Variants in ATP8A2 observed in about 807,000 individuals in gnomAD.
The protein encoded by ATP8A2 is ATPase phospholipid transporting 8A2.
ATP8A2 carries 100 observed loss-of-function variants against 165.6 expected under a neutral mutation model. That is an observed-to-expected ratio of 0.60 (90% confidence interval 0.51 to 0.71). ATP8A2 has a LOEUF of 0.71. ATP8A2 is among the 30% of genes least tolerant of loss of function. The pLI is 0.00. For missense variants in ATP8A2, 1,227 were observed against 1,479.5 expected (o/e 0.83, Z 2.80); for synonymous variants, 543 against 548.8 (o/e 0.99, Z 0.15).
At chr13:25,934,562 C>T (rs1327145178) in intron 33 of ATP8A2, among the ~76,000 whole-genome samples, 1 of 152,200 alleles carries the variant, frequency 6.6e-6, no homozygotes, top group Non-Finnish European at 1.5e-5. Flanking sequence ...TGAAGGATAA[C>T]GCTCTTGTGG....
chr13:25,538,821 A>C lies in ATP8A2; in HGVS notation c.581+760A>C, dbSNP rs550475753. Among the ~76,000 whole-genome samples the C allele has an allele frequency of 7.9e-5, 12 of 152,238 alleles. No homozygotes were observed. In the East Asian group the frequency reaches 2.1e-3, roughly 27 times the overall value. On this transcript the variant is annotated intron_variant, in intron 7 of 36. Coordinates refer to ENST00000381655, the MANE Select transcript of ATP8A2 (RefSeq NM_016529.6). ...TTTGATTGCAGACAGCGTTTCTTGT[A>C]TTGAAGTTAATCACTCATTGGATTT...
At chr13:25,531,898 G>A (rs553133702) in intron 4 of ATP8A2, among the ~76,000 whole-genome samples, 5 of 152,238 alleles carry the variant, frequency 3.3e-5, no homozygotes, top group Admixed American at 6.5e-5. Flanking sequence ...TTCTAGTCCC[G>A]AGCATGTCAG....
chr13:25,712,803 G>T (rs577310030), intron 25 of ATP8A2, among the ~76,000 whole-genome samples: 1 of 152,180 alleles, frequency 6.6e-6, no homozygotes, highest in African/African-American at 2.4e-5. Context: ...TCGGAAAGTC[G>T]GGTAGGGATG....
intron 33 of ATP8A2, among the ~76,000 whole-genome samples, chr13:25,875,951 G>T (rs144681399): frequency 6.6e-6 from 1 of 152,210 alleles, no homozygotes; most frequent in African/African-American, 2.4e-5. Flanking sequence ...GCCACAGATG[G>T]CACTAGCAGA....
rs79601368 is a variant in ATP8A2 at position 25,562,533 on chromosome 13, T to C, written c.1398-1423T>C. 6.4e-3 allele frequency among the ~76,000 whole-genome samples: 978 copies of C among 152,314 alleles called. 61 individuals carry two copies. In the East Asian group the frequency reaches 0.14, roughly 22 times the overall value. ...ACTATTGTATTAAGGGATCCCTAGA[T>C]GTCAGTGTCTATGGGTCTTTCTTGT... On this transcript the variant is annotated intron_variant, in intron 15 of 36. Coordinates refer to ENST00000381655, the MANE Select transcript of ATP8A2 (RefSeq NM_016529.6).
intron 35 of ATP8A2, among the ~76,000 whole-genome samples, chr13:26,003,655 T>C (rs1956680046): frequency 6.6e-6 from 1 of 152,188 alleles, no homozygotes; most frequent in South Asian, 2.1e-4. Context: ...TAGTTTCAAC[T>C]CGTATATATA....
At chr13:25,450,412 A>G (rs1323270339) in intron 1 of ATP8A2, among the ~76,000 whole-genome samples, 1 of 152,184 alleles carries the variant, frequency 6.6e-6, no homozygotes, top group Admixed American at 6.5e-5. Flanking sequence ...TGGCTTCCAC[A>G]ATGGCTGAAC....
intron 10 of ATP8A2, among the ~76,000 whole-genome samples, chr13:25,545,126 A>G (rs577508848): frequency 6.6e-6 from 1 of 151,892 alleles, no homozygotes; most frequent in South Asian, 2.1e-4. Context: ...TACAGAGGGA[A>G]GTTCAGGAGC....
chr13:25,786,840 C>T (rs2045041184), intron 27 of ATP8A2, among the ~76,000 whole-genome samples: 1 of 151,020 alleles, frequency 6.6e-6, no homozygotes, highest in South Asian at 2.1e-4. Context: ...ACTGCAACCT[C>T]TGCCTCCTGG....
intron 35 of ATP8A2, among the ~76,000 whole-genome samples, chr13:25,995,080 G>A (rs1210287137): frequency 6.6e-6 from 1 of 151,884 alleles, no homozygotes; most frequent in African/African-American, 2.4e-5. Context: ...CAAGGAATTG[G>A]TCCATTTCAT....
chr13:25,625,898 A>G (rs1267822861), intron 24 of ATP8A2, among the ~76,000 whole-genome samples: 1 of 152,212 alleles, frequency 6.6e-6, no homozygotes, highest in African/African-American at 2.4e-5. Context: ...GACCTGTCAA[A>G]GGTCACACAA....
At chr13:25,797,500 C>A (rs1717061251) in intron 27 of ATP8A2, among the ~76,000 whole-genome samples, 1 of 151,922 alleles carries the variant, frequency 6.6e-6, no homozygotes, top group South Asian at 2.1e-4. Flanking sequence ...GGTTATAGTA[C>A]GTTCTTAAGA....
chr13:25,617,442 A>C (rs756136268), intron 24 of ATP8A2, among the ~76,000 whole-genome samples: 1 of 152,244 alleles, frequency 6.6e-6, no homozygotes, highest in East Asian at 1.9e-4. Flanking sequence ...TCCATCAGTT[A>C]TCATCAGTAT....
chr13:25,747,898 T>A (rs2044068862), intron 25 of ATP8A2, among the ~76,000 whole-genome samples: 1 of 152,250 alleles, frequency 6.6e-6, no homozygotes. Flanking sequence ...TTTAGCTGGC[T>A]TTGTTCAGAT....
chr13:25,637,112 A>G (rs1473492748), intron 24 of ATP8A2, among the ~76,000 whole-genome samples: 4 of 151,542 alleles, frequency 2.6e-5, no homozygotes, highest in Non-Finnish European at 5.9e-5. Flanking sequence ...AAAAAAAAAA[A>G]AAAAAAAAAG....
intron 1 of ATP8A2, among the ~76,000 whole-genome samples, chr13:25,381,834 A>G (rs916475951): frequency 1.1e-4 from 17 of 152,202 alleles, no homozygotes; most frequent in African/African-American, 3.9e-4. Flanking sequence ...AGGCTCTTCT[A>G]CGCAGGATGA....
At chr13:25,920,504 CTCCACCA>C (rs1426062767) in intron 33 of ATP8A2, among the ~76,000 whole-genome samples, 1 of 152,192 alleles carries the variant, frequency 6.6e-6, no homozygotes, top group Non-Finnish European at 1.5e-5. Flanking sequence ...TAGTAAATGG[CTCCACCA>C]TCCACCAGCT....
intron 35 of ATP8A2, among the ~76,000 whole-genome samples, chr13:26,011,042 AG>A (rs766001038): frequency 1.9e-4 from 29 of 152,160 alleles, no homozygotes; most frequent in Non-Finnish European, 4.0e-4. Flanking sequence ...CTCAGGCTCC[AG>A]GCTCACTGAT....
At chr13:25,727,824 A>T (rs1005404298) in intron 25 of ATP8A2, among the ~76,000 whole-genome samples, 2 of 152,198 alleles carry the variant, frequency 1.3e-5, no homozygotes. Flanking sequence ...GATTTGCCCT[A>T]GTTATGAATG....
Sources: allele counts gnomAD v4.1 joint callset (sites outside exome capture counted in the v4.1 genomes callset), GRCh38; gene constraint gnomAD v4.1.1; transcripts MANE v1.5; gene names NCBI Gene and HGNC (gene_info 2026-07-23, HGNC 2026-07-21).